ITPRID1: variants seen among roughly 807,000 people sequenced by gnomAD.
The protein encoded by ITPRID1 is ITPR interacting domain containing 1.
Under a neutral mutation model 95.4 loss-of-function variants are expected in ITPRID1, and 96 were observed. The observed-to-expected ratio is 1.01, with a 90% CI of 0.85 to 1.19. The LOEUF (loss-of-function observed/expected upper bound fraction) is 1.19. Ranked by LOEUF, ITPRID1 falls within the 50% of genes most tolerant of loss-of-function variation. ITPRID1 has a pLI of 0.00. For missense variants in ITPRID1, 1,339 were observed against 1,252.9 expected (o/e 1.07, Z -1.04); for synonymous variants, 510 against 453.6 (o/e 1.12, Z -1.58).
chr7:31,560,147 G>A (rs191872735), intron 5 of ITPRID1, among the ~76,000 whole-genome samples: 159 of 152,336 alleles, frequency 1.0e-3, no homozygotes, highest in Non-Finnish European at 1.8e-3. Flanking sequence ...CTGGGGATGA[G>A]CTGTTTCAGG....
At chr7:31,630,216 G>A (rs1788862799) in intron 10 of ITPRID1, among the ~76,000 whole-genome samples, 1 of 42,254 alleles carries the variant, frequency 2.4e-5, no homozygotes, top group Admixed American at 3.0e-4. Flanking sequence ...AGGAAAAGAG[G>A]CAATCAAAGA....
At chr7:31,622,681 C>T (rs557165981) in intron 10 of ITPRID1, among the ~76,000 whole-genome samples, 4 of 152,136 alleles carry the variant, frequency 2.6e-5, no homozygotes, top group South Asian at 4.2e-4. Flanking sequence ...GACACCCTAA[C>T]ATCACAATTA....
chr7:31,587,070 A>G (rs1404617453), intron 10 of ITPRID1, among the ~76,000 whole-genome samples: 1 of 152,194 alleles, frequency 6.6e-6, no homozygotes, highest in Non-Finnish European at 1.5e-5. Context: ...TCCTTTTGAA[A>G]ACTGGCACAA....
chr7:31,655,322 C>G lies in ITPRID1; in HGVS notation c.*2493C>G, dbSNP rs1791246600. 6.6e-6 allele frequency among the ~76,000 whole-genome samples: 1 copy of G among 152,112 alleles called. No individual in the cohort carries two copies. Among genetic ancestry groups the G allele is most frequent in the African/African-American group, 2.4e-5 (1 of 41,422 alleles). On this transcript the variant is annotated 3_prime_UTR_variant, in exon 15 of 15. Coordinates refer to ENST00000615280, the MANE Select transcript of ITPRID1 (RefSeq NM_001257967.3). ...CCCCTCAGTCAGTCAATGACCACAC[C>G]AATGCTGAGTCTACTGCCACAAAAT...
chr7:31,531,770 G>T (rs12216696), intron 1 of ITPRID1, among the ~76,000 whole-genome samples: 37,615 of 151,900 alleles, frequency 0.25, 4,859 homozygotes, highest in Middle Eastern at 0.36. Context: ...AGGGGTTGTG[G>T]ATTGGATAGT....
chr7:31,590,335 A>T (rs1261613649), intron 10 of ITPRID1, among the ~76,000 whole-genome samples: 1 of 152,182 alleles, frequency 6.6e-6, no homozygotes, highest in Non-Finnish European at 1.5e-5. Context: ...GATGTGTGAG[A>T]AATTACTTAA....
chr7:31,608,715 G>C (rs1447145104), intron 10 of ITPRID1, among the ~76,000 whole-genome samples: 1 of 151,696 alleles, frequency 6.6e-6, no homozygotes, highest in Non-Finnish European at 1.5e-5. Context: ...CTTATATCCT[G>C]TGACTTTGCT....
intron 10 of ITPRID1, among the ~76,000 whole-genome samples, chr7:31,590,886 T>G (rs1160661689): frequency 6.6e-6 from 1 of 152,226 alleles, no homozygotes; most frequent in Non-Finnish European, 1.5e-5. Context: ...ACTATTTCTG[T>G]GTATTAGATG....
rs1358036168 is a variant in ITPRID1 at position 31,578,203 on chromosome 7, A to C, written c.939A>C (p.Val313=). 4 of 1,613,756 alleles carry C rather than the reference A, an allele frequency of 2.5e-6. No individual in the cohort carries two copies. Among genetic ancestry groups the C allele is most frequent in the South Asian group, 2.2e-5 (2 of 91,066 alleles). Residue 313 remains valine (V), a synonymous_variant, in exon 9 of 15, where the codon GTA becomes GTC. Coordinates refer to ENST00000615280, the MANE Select transcript of ITPRID1 (RefSeq NM_001257967.3). Reference sequence around the variant, plus strand: ...AGCAAAATCATTTGTCTCTGTCAGTAGAACATCAGTCTCTCCAAGCCTGTG... The same window carrying C: ...AGCAAAATCATTTGTCTCTGTCAGTCGAACATCAGTCTCTCCAAGCCTGTG... ...NHKQNHLSLS[V]EHQSLQACDD...
intron 9 of ITPRID1, among the ~76,000 whole-genome samples, chr7:31,579,826 C>G (rs115856715): frequency 2.9e-3 from 442 of 151,954 alleles, no homozygotes; most frequent in African/African-American, 9.9e-3. Context: ...AAATGTTAAA[C>G]TGAATTTAAG....
At chr7:31,573,450 T>C (rs183948184) in intron 7 of ITPRID1, among the ~76,000 whole-genome samples, 5 of 152,240 alleles carry the variant, frequency 3.3e-5, no homozygotes, top group East Asian at 1.9e-4. Flanking sequence ...ATCTGGTAAG[T>C]GGGCGTCCCC....
At chr7:31,539,714 A>T (rs533973385) in intron 1 of ITPRID1, among the ~76,000 whole-genome samples, 44 of 152,274 alleles carry the variant, frequency 2.9e-4, no homozygotes, top group African/African-American at 9.9e-4. Flanking sequence ...GGTCAGGTGC[A>T]CTTTCTCTTA....
chr7:31,609,252 C>T (rs1786760550), intron 10 of ITPRID1, among the ~76,000 whole-genome samples: 1 of 151,444 alleles, frequency 6.6e-6, no homozygotes, highest in Non-Finnish European at 1.5e-5. Context: ...ATTTTTACAT[C>T]TATATTCACA....
Position 31,643,852 on chromosome 7 carries a change from G to T in ITPRID1, c.2482G>T (p.Val828Phe), listed in dbSNP as rs1470736277. The change falls in exon 12 of 15, where the codon GTC becomes TTC. Residue 828 changes from valine to phenylalanine, a missense_variant. By Grantham distance (50) the Val-to-Phe change is conservative (BLOSUM62 -1). Transcript: ENST00000615280. The part of the protein sequence containing the change: ...ERQSPGPEPS[V>F]CRHCLCSLTG... ...GCAAAGCCCTGGCCCTGAACCCTCA[G>T]TCTGTAGGCACTGCCTGTGTTCACT... is the stretch of plus-strand genomic sequence containing the variant. 1.2e-6 allele frequency: 2 copies of T among 1,613,922 alleles called. No homozygotes were observed. The highest frequency in any genetic ancestry group is 1.7e-5 in the Admixed American group (1 of 60,022).
chr7:31,643,636 C>A lies in ITPRID1; in HGVS notation c.2266C>A (p.Gln756Lys), dbSNP rs1790216724. 6.2e-7 allele frequency: 1 copy of A among 1,614,046 alleles called. No homozygotes were observed. The highest frequency in any genetic ancestry group is 2.2e-5 in the East Asian group (1 of 44,876). ...TETRLGTKARQLNDASIQTSA... is the reference protein window; with the variant it reads ...TETRLGTKARKLNDASIQTSA... Reference sequence around the variant, plus strand: ...AACAAGACTGGGGACAAAAGCAAGACAGTTAAATGATGCTTCCATTCAGAC... The same window carrying A: ...AACAAGACTGGGGACAAAAGCAAGAAAGTTAAATGATGCTTCCATTCAGAC... The change falls in exon 12 of 15, where the codon CAG (glutamine) becomes AAG (lysine). Residue 756 changes from glutamine to lysine, a missense_variant. Physicochemically the swap from Gln to Lys is moderately conservative, Grantham distance 53. Coordinates refer to ENST00000615280, the MANE Select transcript of ITPRID1 (RefSeq NM_001257967.3).
chr7:31,626,295 A>G (rs1231755317), intron 10 of ITPRID1, among the ~76,000 whole-genome samples: 1 of 152,210 alleles, frequency 6.6e-6, no homozygotes, highest in East Asian at 1.9e-4. Flanking sequence ...AAATTAGGCC[A>G]ACTGCATAAC....
At chr7:31,638,871 G>A in intron 10 of ITPRID1, among the ~76,000 whole-genome samples, 1 of 152,116 alleles carries the variant, frequency 6.6e-6, no homozygotes, top group Admixed American at 6.5e-5. Flanking sequence ...CCACCTCCCA[G>A]GTTCGAGCAA....
chr7:31,643,542 G>C lies in ITPRID1; in HGVS notation c.2172G>C (p.Val724=). ...TGGTGTCGGCTGCTCAGAGGGCTGT[G>C]GCCTTGGGGACTGGTCCCAGAGGAA... ...SSLVSAAQRA[V]ALGTGPRGTS... Residue 724 remains valine (V), a synonymous_variant, in exon 12 of 15, where the codon GTG becomes GTC. Coordinates refer to ENST00000615280, the MANE Select transcript of ITPRID1 (RefSeq NM_001257967.3). The C allele has an allele frequency of 6.2e-7, 1 of 1,614,036 alleles. No individual in the cohort carries two copies.
intron 12 of ITPRID1, among the ~76,000 whole-genome samples, chr7:31,650,769 C>A (rs192288424): frequency 1.4e-4 from 21 of 152,294 alleles, no homozygotes; most frequent in African/African-American, 4.8e-4. Context: ...TACCCAGCAA[C>A]AAAGTTAAAC....
Sources: gnomAD v4.1 joint callset for allele counts (sites outside exome capture counted in the v4.1 genomes callset) on GRCh38, gnomAD v4.1.1 for gene constraint, MANE v1.5 for transcripts, NCBI Gene and HGNC (gene_info 2026-07-23, HGNC 2026-07-21) for gene names.